Variants in TNNI3K observed in about 807,000 individuals in gnomAD.
TNNI3K encodes the protein TNNI3 interacting kinase.
A neutral mutation model predicts 114.5 loss-of-function variants in TNNI3K; 140 were observed. The ratio of observed to expected loss-of-function variants is 1.22; its 90% confidence interval spans 1.07 to 1.41. TNNI3K has a LOEUF of 1.41. TNNI3K is among the 40% of genes most tolerant of loss of function. The pLI is 0.00. For missense variants in TNNI3K, 1,125 were observed against 1,007.6 expected, an observed-to-expected ratio of 1.12 and a Z score of -1.58; for synonymous variants, 347 against 347.5, an observed-to-expected ratio of 1.00 and a Z score of 0.02.
chr1:74,412,560 G>T (rs146698739), intron 17 of TNNI3K, among the ~76,000 whole-genome samples: 1 of 152,104 alleles, frequency 6.6e-6, no homozygotes, highest in African/African-American at 2.4e-5. Flanking sequence ...ATTGTCTCAC[G>T]TTGACTCAAT....
chr1:74,469,057 A>T (rs569747082), intron 21 of TNNI3K: 1 of 152,340 alleles, frequency 6.6e-6, no homozygotes, highest in Non-Finnish European at 1.5e-5. Context: ...AAAGCTATGC[A>T]CTAATAGGTT....
At chr1:74,365,518 G>A (rs543031018) in intron 11 of TNNI3K, among the ~76,000 whole-genome samples, 1 of 152,112 alleles carries the variant, frequency 6.6e-6, no homozygotes, top group East Asian at 1.9e-4. Context: ...AAAAATTTGA[G>A]AAGCACTACT....
chr1:74,351,755 G>A (rs922601237), intron 9 of TNNI3K, among the ~76,000 whole-genome samples: 11 of 152,140 alleles, frequency 7.2e-5, no homozygotes, highest in African/African-American at 1.7e-4. Context: ...CCAGTTGATC[G>A]CATCGGTTAC....
intron 9 of TNNI3K, among the ~76,000 whole-genome samples, chr1:74,347,409 A>G (rs1368249245): frequency 1.3e-5 from 2 of 151,992 alleles, no homozygotes; most frequent in Non-Finnish European, 2.9e-5. Flanking sequence ...ATTGTTGGAC[A>G]TTTGGGTTGG....
At chr1:74,313,785 A>G (rs1659129745) in intron 5 of TNNI3K, among the ~76,000 whole-genome samples, 1 of 152,060 alleles carries the variant, frequency 6.6e-6, no homozygotes, top group Non-Finnish European at 1.5e-5. Context: ...CTTAGAGCTG[A>G]GGAGTGAATA....
At chr1:74,399,027 G>C (rs562103664) in intron 17 of TNNI3K, among the ~76,000 whole-genome samples, 1 of 151,512 alleles carries the variant, frequency 6.6e-6, no homozygotes, top group African/African-American at 2.4e-5. Context: ...ATGGTGGCGG[G>C]CGCCTGTAAT....
intron 17 of TNNI3K, among the ~76,000 whole-genome samples, chr1:74,408,281 C>A (rs2100605657): frequency 1.3e-5 from 2 of 152,250 alleles, no homozygotes; most frequent in Middle Eastern, 6.8e-3. Flanking sequence ...TCAAAAAGAC[C>A]TTAGTGATCA....
At chr1:74,362,723 A>G (rs993941883) in intron 11 of TNNI3K, among the ~76,000 whole-genome samples, 1 of 152,130 alleles carries the variant, frequency 6.6e-6, no homozygotes, top group East Asian at 1.9e-4. Flanking sequence ...TAAAATAACT[A>G]TTAAGAAAGT....
intron 21 of TNNI3K, chr1:74,470,770 G>T (rs491922): frequency 2.5e-5 from 10 of 400,266 alleles, no homozygotes; most frequent in Non-Finnish European, 2.7e-5. Context: ...GTGTTGTAAG[G>T]CTTCATTTTG....
intron 5 of TNNI3K, among the ~76,000 whole-genome samples, chr1:74,280,397 T>A (rs907974633): frequency 4.0e-5 from 6 of 149,572 alleles, no homozygotes; most frequent in Non-Finnish European, 8.9e-5. Flanking sequence ...AAAAATAAAA[T>A]AAAATAAAAA....
chr1:74,275,434 C>G (rs1344448654), intron 5 of TNNI3K, among the ~76,000 whole-genome samples: 1 of 152,040 alleles, frequency 6.6e-6, no homozygotes, highest in Non-Finnish European at 1.5e-5. Flanking sequence ...TTTGTCCCTC[C>G]CACAACACAT....
chr1:74,401,699 A>C (rs1664373405), intron 17 of TNNI3K: 1 of 359,022 alleles, frequency 2.8e-6, no homozygotes, highest in African/African-American at 2.2e-5. Flanking sequence ...AGCTTAACAC[A>C]GAGAAAATAA....
intron 5 of TNNI3K, among the ~76,000 whole-genome samples, chr1:74,300,624 TA>T (rs1479543589): frequency 6.6e-6 from 1 of 152,190 alleles, no homozygotes; most frequent in Non-Finnish European, 1.5e-5. Flanking sequence ...ATTCTCCCAC[TA>T]AAATGTTGAA....
intron 5 of TNNI3K, among the ~76,000 whole-genome samples, chr1:74,311,089 AT>A (rs928833798): frequency 4.5e-4 from 68 of 152,222 alleles, no homozygotes; most frequent in African/African-American, 1.4e-3. Context: ...GAATAGATTC[AT>A]TTTTTGTTTT....
rs761158946 is a variant in TNNI3K at position 74,439,510 on chromosome 1, T to C, written c.1899T>C (p.Pro633=). 1 of 1,613,200 alleles carries C rather than the reference T, an allele frequency of 6.2e-7. No homozygotes were observed. Among genetic ancestry groups the C allele is most frequent in the African/African-American group, 1.3e-5 (1 of 74,842 alleles). ...TGCAGAACCTCCGTTGGATGGCTCC[T>C]GAGGTGTTCACGCAGTGCACTCGGT... ...KQPGNLRWMA[P]EVFTQCTRYT... The change falls in exon 20 of 25, where the codon CCT becomes CCC. Residue 633 remains proline (P), a synonymous_variant. Coordinates refer to ENST00000326637, the MANE Select transcript of TNNI3K (RefSeq NM_015978.3).
At chr1:74,236,357 T>C in intron 2 of TNNI3K, 147 bp downstream of exon 2, 1 of 580,132 alleles carries the variant, frequency 1.7e-6, no homozygotes, top group South Asian at 2.4e-5. Flanking sequence ...TTATCTCTCT[T>C]TGACCACTCA....
Position 74,336,154 on chromosome 1 carries a change from G to T in TNNI3K, c.682+5G>T. 1 of 1,592,398 alleles carries T rather than the reference G, an allele frequency of 6.3e-7. No individual in the cohort carries two copies. Among genetic ancestry groups the T allele is most frequent in the Non-Finnish European group, 8.5e-7 (1 of 1,174,168 alleles). On this transcript the variant is annotated splice_donor_5th_base_variant and intron_variant, in intron 7 of 24. Transcript: ENST00000326637. ...AAGAAGGCAGCAAAGCAGATGGTAA[G>T]ATTATATATTTAAAAGACCTTTGCT... is the stretch of plus-strand genomic sequence containing the variant.
intron 11 of TNNI3K, among the ~76,000 whole-genome samples, chr1:74,357,431 G>A (rs1421120700): frequency 6.6e-6 from 1 of 152,100 alleles, no homozygotes; most frequent in East Asian, 1.9e-4. Flanking sequence ...ATGGCTCTAA[G>A]CCAAATTTTT....
intron 5 of TNNI3K, among the ~76,000 whole-genome samples, chr1:74,292,079 G>GTGC (rs1323727503): frequency 6.6e-6 from 1 of 151,204 alleles, no homozygotes; most frequent in African/African-American, 2.4e-5. Context: ...TCTACCAATA[G>GTGC]TGGCATATTC....
Sources: allele counts gnomAD v4.1 joint callset (sites outside exome capture counted in the v4.1 genomes callset), GRCh38; gene constraint gnomAD v4.1.1; transcripts MANE v1.5; gene names NCBI Gene and HGNC (gene_info 2026-07-23, HGNC 2026-07-21).